The following SLC35F3 variants were observed in gnomAD, a reference collection of about 807,000 sequenced individuals.
The protein encoded by SLC35F3 is putative thiamine transporter SLC35F3.
SLC35F3 carries 25 observed loss-of-function variants against 49.9 expected under a neutral mutation model. The observed-to-expected ratio is 0.50, with a 90% CI of 0.37 to 0.70. SLC35F3 has a LOEUF of 0.70. SLC35F3 is among the 30% of genes least tolerant of loss of function. The pLI, the probability that SLC35F3 is intolerant of heterozygous loss-of-function variation, is 0.00. For missense variants in SLC35F3, 525 were observed against 639.8 expected (o/e 0.82, Z 1.94); for synonymous variants, 275 against 265.4 (o/e 1.04, Z -0.35).
At chr1:234,019,197 C>T (rs776098710) in intron 2 of SLC35F3, among the ~76,000 whole-genome samples, 3 of 152,202 alleles carry the variant, frequency 2.0e-5, no homozygotes, top group Non-Finnish European at 4.4e-5. Flanking sequence ...TCACTAGGGT[C>T]TTCTGCCTGG....
chr1:234,051,732 A>G (rs1374932681), intron 2 of SLC35F3, among the ~76,000 whole-genome samples: 1 of 152,140 alleles, frequency 6.6e-6, no homozygotes, highest in Admixed American at 6.5e-5. Context: ...TTCAAAGGGA[A>G]TGCTTCCAGT....
chr1:234,092,985 G>A (rs1665066021), intron 2 of SLC35F3, among the ~76,000 whole-genome samples: 1 of 152,200 alleles, frequency 6.6e-6, no homozygotes, highest in Non-Finnish European at 1.5e-5. Flanking sequence ...ATTCATTTAT[G>A]CTTCTAAACT....
chr1:234,113,200 A>C (rs1200575813), intron 2 of SLC35F3, among the ~76,000 whole-genome samples: 1 of 152,206 alleles, frequency 6.6e-6, no homozygotes, highest in Non-Finnish European at 1.5e-5. Context: ...TCTCCGTCCA[A>C]CCACAGACTA....
At chr1:234,173,487 A>C (rs1042594034) in intron 2 of SLC35F3, among the ~76,000 whole-genome samples, 1 of 152,270 alleles carries the variant, frequency 6.6e-6, no homozygotes, top group East Asian at 1.9e-4. Context: ...AACCCCATGC[A>C]TTTCTACTTC....
chr1:234,071,383 A>G (rs1321588647), intron 2 of SLC35F3, among the ~76,000 whole-genome samples: 1 of 152,008 alleles, frequency 6.6e-6, no homozygotes, highest in Non-Finnish European at 1.5e-5. Context: ...GCTTGTTCCC[A>G]TCCTGGTTTC....
intron 2 of SLC35F3, among the ~76,000 whole-genome samples, chr1:234,006,519 C>T (rs1463613478): frequency 6.6e-6 from 1 of 152,192 alleles, no homozygotes; most frequent in East Asian, 1.9e-4. Flanking sequence ...CAATAGAATT[C>T]TCACTGCCAC....
intron 2 of SLC35F3, among the ~76,000 whole-genome samples, chr1:234,206,929 G>A (rs1666979432): frequency 6.6e-6 from 1 of 152,004 alleles, no homozygotes; most frequent in Non-Finnish European, 1.5e-5. Context: ...TCCCAAATCC[G>A]GACGTCTTCC....
intron 2 of SLC35F3, among the ~76,000 whole-genome samples, chr1:234,177,780 A>G (rs572437234): frequency 6.6e-4 from 100 of 152,354 alleles, no homozygotes; most frequent in African/African-American, 2.2e-3. Flanking sequence ...AGTTACTCTT[A>G]ACTCAGTCCG....
chr1:234,120,978 C>T (rs1449419361), intron 2 of SLC35F3, among the ~76,000 whole-genome samples: 2 of 152,060 alleles, frequency 1.3e-5, no homozygotes, highest in African/African-American at 4.8e-5. Context: ...CTTTTGGATT[C>T]AAGCATGGGA....
intron 2 of SLC35F3, among the ~76,000 whole-genome samples, chr1:234,210,600 G>A (rs1398964361): frequency 2.0e-5 from 3 of 152,206 alleles, no homozygotes; most frequent in Admixed American, 1.3e-4. Flanking sequence ...CTAGAGATTT[G>A]TGAAACTGAA....
intron 2 of SLC35F3, among the ~76,000 whole-genome samples, chr1:233,921,205 G>T (rs1464515371): frequency 3.3e-5 from 5 of 152,154 alleles, no homozygotes; most frequent in African/African-American, 9.7e-5. Flanking sequence ...TTTTATAATA[G>T]AACACTATGT....
chr1:234,108,280 ATTAT>A (rs1665318741), intron 2 of SLC35F3, among the ~76,000 whole-genome samples: 1 of 43,452 alleles, frequency 2.3e-5, no homozygotes, highest in African/African-American at 8.9e-5. Context: ...AAAGATATAT[ATTAT>A]TTATATATAA....
At chr1:233,951,720 T>TTG (rs1252507064) in intron 2 of SLC35F3, among the ~76,000 whole-genome samples, 6 of 151,688 alleles carry the variant, frequency 4.0e-5, no homozygotes, top group East Asian at 3.9e-4. Flanking sequence ...CTTCTTCTTT[T>TTG]TGTGTGTGTG....
At chr1:234,188,473 A>G (rs1443215680) in intron 2 of SLC35F3, among the ~76,000 whole-genome samples, 1 of 152,060 alleles carries the variant, frequency 6.6e-6, no homozygotes, top group Non-Finnish European at 1.5e-5. Context: ...ACAGGCAGCC[A>G]TAATCCTCTT....
chr1:234,099,604 G>A (rs1332808169), intron 2 of SLC35F3, among the ~76,000 whole-genome samples: 2 of 107,396 alleles, frequency 1.9e-5, no homozygotes, highest in African/African-American at 7.0e-5. Context: ...GCGAGACTCT[G>A]TCTAAAAAAA....
chr1:234,260,672 A>C (rs1667889382), intron 3 of SLC35F3, among the ~76,000 whole-genome samples: 1 of 152,228 alleles, frequency 6.6e-6, no homozygotes, highest in South Asian at 2.1e-4. Flanking sequence ...GCAGAGCCTC[A>C]TCTTTTTCAT....
At chr1:234,287,546 C>T (rs1668442246) in intron 3 of SLC35F3, among the ~76,000 whole-genome samples, 1 of 152,154 alleles carries the variant, frequency 6.6e-6, no homozygotes, top group South Asian at 2.1e-4. Flanking sequence ...ATATCCCAGG[C>T]ACTAACCTAA....
chr1:233,997,210 A>T (rs1663476429), intron 2 of SLC35F3, among the ~76,000 whole-genome samples: 1 of 152,148 alleles, frequency 6.6e-6, no homozygotes, highest in South Asian at 2.1e-4. Flanking sequence ...GTTGCTGTGA[A>T]CATGGGCGTG....
intron 2 of SLC35F3, among the ~76,000 whole-genome samples, chr1:233,982,117 G>T (rs368875078): frequency 6.6e-6 from 1 of 152,130 alleles, no homozygotes; most frequent in Admixed American, 6.5e-5. Flanking sequence ...TAGAGATGGG[G>T]TTTTGCCATG....
Sources: gnomAD v4.1 joint callset for allele counts (sites outside exome capture counted in the v4.1 genomes callset) on GRCh38, gnomAD v4.1.1 for gene constraint, MANE v1.5 for transcripts, NCBI Gene and HGNC (gene_info 2026-07-23, HGNC 2026-07-21) for gene names.